The following KPNA7 variants were observed in gnomAD, a reference collection of about 807,000 sequenced individuals.
KPNA7 encodes importin subunit alpha-8.
A neutral mutation model predicts 53.7 loss-of-function variants in KPNA7; 54 were observed. The observed-to-expected ratio is 1.01, with a 90% CI of 0.81 to 1.26. The LOEUF is 1.26. Among genes scored for constraint, KPNA7 ranks in the 50% most tolerant of loss-of-function variants. KPNA7 has a pLI of 0.00. For missense variants in KPNA7, 640 were observed against 644.5 expected, an observed-to-expected ratio of 0.99 and a Z score of 0.07; for synonymous variants, 276 against 259.3, an observed-to-expected ratio of 1.06 and a Z score of -0.62.
At chr7:99,202,788 A>G (rs1790609787) in intron 3 of KPNA7, among the ~76,000 whole-genome samples, 1 of 152,068 alleles carries the variant, frequency 6.6e-6, no homozygotes, top group Non-Finnish European at 1.5e-5. Context: ...TAGGGCTGCA[A>G]TGAGCTCTGA....
chr7:99,212,499 C>G (rs902322647), upstream of KPNA7, among the ~76,000 whole-genome samples: 8 of 152,004 alleles, frequency 5.3e-5, no homozygotes, highest in Non-Finnish European at 1.2e-4. Context: ...GGTGGCCCAC[C>G]CGCCTCGGTC....
chr7:99,191,071 G>C (rs1414669532), intron 6 of KPNA7, among the ~76,000 whole-genome samples: 1 of 151,850 alleles, frequency 6.6e-6, no homozygotes, highest in African/African-American at 2.4e-5. Context: ...TGAAACCTAG[G>C]GGCATCCTGG....
At chr7:99,200,973 CAAAT>C (rs1790499809) in intron 3 of KPNA7, among the ~76,000 whole-genome samples, 1 of 152,072 alleles carries the variant, frequency 6.6e-6, no homozygotes, top group African/African-American at 2.4e-5. Flanking sequence ...ATCTTATAAA[CAAAT>C]AAATGGATAA....
chr7:99,213,454 A>G (rs867325433), intron 1 of KPNA7, among the ~76,000 whole-genome samples: 27 of 143,978 alleles, frequency 1.9e-4, no homozygotes, highest in African/African-American at 6.1e-4. Flanking sequence ...AAAAAAAAAA[A>G]AAAGAGAGAG....
At chr7:99,215,297 G>A (rs540980077) in intron 1 of KPNA7, among the ~76,000 whole-genome samples, 15 of 148,912 alleles carry the variant, frequency 1.0e-4, no homozygotes, top group African/African-American at 3.0e-4. Flanking sequence ...GCTTGAACCC[G>A]GGAGGCAGAG....
At chr7:99,204,279 G>T (rs1202153102) in intron 2 of KPNA7, among the ~76,000 whole-genome samples, 1 of 151,978 alleles carries the variant, frequency 6.6e-6, no homozygotes, top group African/African-American at 2.4e-5. Context: ...GTCTGAGGTG[G>T]GAGGATCCCT....
At chr7:99,173,113 A>G (rs1461434691), downstream of KPNA7, among the ~76,000 whole-genome samples, 3 of 151,492 alleles carry the variant, frequency 2.0e-5, no homozygotes, top group African/African-American at 4.8e-5. Flanking sequence ...CCGGATAACT[A>G]TAAGACCATT....
At chr7:99,162,019 T>C in the KPNA7 span, among the ~76,000 whole-genome samples, 9 of 151,188 alleles carry the variant, frequency 6.0e-5, no homozygotes, top group Non-Finnish European at 1.3e-4. Flanking sequence ...GCAGTGTGCA[T>C]GGCTAACCAA....
At chr7:99,200,362 TTCTTA>T (rs1335923379) in intron 3 of KPNA7, among the ~76,000 whole-genome samples, 1 of 152,086 alleles carries the variant, frequency 6.6e-6, no homozygotes, top group Non-Finnish European at 1.5e-5. Context: ...CACATTGCTC[TTCTTA>T]TAAGAATCAT....
chr7:99,191,743 A>G (rs1446642729), intron 6 of KPNA7, among the ~76,000 whole-genome samples: 4 of 151,954 alleles, frequency 2.6e-5, no homozygotes, highest in Non-Finnish European at 5.9e-5. Flanking sequence ...TTCGCCTCCC[A>G]GGTTCAATCA....
At chr7:99,160,269 G>A in the KPNA7 span, among the ~76,000 whole-genome samples, 15 of 151,846 alleles carry the variant, frequency 9.9e-5, no homozygotes, top group South Asian at 1.0e-3. Context: ...CTCGTGATCC[G>A]CCCGCCTCGG....
At chr7:99,203,675 C>A (rs1004271858) in intron 2 of KPNA7, among the ~76,000 whole-genome samples, 2 of 151,866 alleles carry the variant, frequency 1.3e-5, no homozygotes, top group Non-Finnish European at 2.9e-5. Flanking sequence ...GTCCTAGATG[C>A]CCTGATCATT....
chr7:99,172,829 G>A (rs1251923497), downstream of KPNA7, among the ~76,000 whole-genome samples: 4 of 152,084 alleles, frequency 2.6e-5, no homozygotes, highest in Non-Finnish European at 5.9e-5. Flanking sequence ...TTAGGAGGCT[G>A]AGACATGTGG....
At chr7:99,165,588 CT>C in the KPNA7 span, among the ~76,000 whole-genome samples, 1 of 152,204 alleles carries the variant, frequency 6.6e-6, no homozygotes, top group Admixed American at 6.5e-5. Flanking sequence ...GGTGAACTGT[CT>C]TCCAGCAGTA....
At chr7:99,201,884 T>C (rs891208035) in intron 3 of KPNA7, among the ~76,000 whole-genome samples, 2 of 151,826 alleles carry the variant, frequency 1.3e-5, no homozygotes, top group Non-Finnish European at 2.9e-5. Flanking sequence ...ATTTTTGTAT[T>C]CTTAGTAGAG....
chr7:99,171,150 G>A (rs1405954617), downstream of KPNA7, among the ~76,000 whole-genome samples: 2 of 152,166 alleles, frequency 1.3e-5, no homozygotes. Context: ...AACCCGGGAG[G>A]TGGAGGTTGC....
chr7:99,159,513 A>T, the KPNA7 span, among the ~76,000 whole-genome samples: 3 of 152,150 alleles, frequency 2.0e-5, no homozygotes, highest in East Asian at 5.8e-4. Context: ...AATAGAACAG[A>T]ACTCCCCATG....
chr7:99,162,367 A>G, the KPNA7 span, among the ~76,000 whole-genome samples: 1 of 152,140 alleles, frequency 6.6e-6, no homozygotes, highest in African/African-American at 2.4e-5. Flanking sequence ...TTTGAGGTAC[A>G]TTACAATTTC....
the KPNA7 span, among the ~76,000 whole-genome samples, chr7:99,150,673 C>G: frequency 5.3e-5 from 8 of 152,180 alleles, no homozygotes; most frequent in Admixed American, 4.6e-4. Context: ...GCCTCAGCCT[C>G]CCAAACTGCT....
Sources: gnomAD v4.1 joint callset for allele counts (sites outside exome capture counted in the v4.1 genomes callset) on GRCh38, gnomAD v4.1.1 for gene constraint, MANE v1.5 for transcripts, NCBI Gene and HGNC (gene_info 2026-07-23, HGNC 2026-07-21) for gene names.